Variants in LMNTD2 observed in about 807,000 individuals in gnomAD.
LMNTD2 encodes lamin tail domain containing 2.
In LMNTD2, 83 loss-of-function variants were observed where a neutral mutation model predicts 70.1. That is an observed-to-expected ratio of 1.18 (90% CI 0.99 to 1.42). The LOEUF (loss-of-function observed/expected upper bound fraction) is 1.42. Ranked by LOEUF, LMNTD2 falls within the 40% of genes most tolerant of loss-of-function variation. LMNTD2 has a pLI of 0.00. For missense variants in LMNTD2, 1,153 were observed against 905.9 expected (o/e 1.27, Z -3.50); for synonymous variants, 534 against 406.1 (o/e 1.31, Z -3.79).
chr11:559,262 C>G (rs1853123758), intron 1 of LMNTD2: 1 of 1,488,342 alleles, frequency 6.7e-7, no homozygotes, highest in Admixed American at 2.1e-5. Flanking sequence ...CCCTGCCACC[C>G]AGGTGCTGGC....
intron 1 of LMNTD2, chr11:560,335 G>C (rs938365474): frequency 4.8e-5 from 54 of 1,116,836 alleles, no homozygotes; most frequent in Non-Finnish European, 5.9e-5. Flanking sequence ...CCTGGCACTG[G>C]GTCCAAAAGG....
chr11:559,850 C>T lies in LMNTD2; in HGVS notation c.34+833G>A, dbSNP rs1306920339. Reference sequence around the variant, plus strand: ...TGACAGCGCACGTTAACCTCGAATTCCTGGGCTCAGGTGATCCTCCCACTT... The same window carrying T: ...TGACAGCGCACGTTAACCTCGAATTTCTGGGCTCAGGTGATCCTCCCACTT... On this transcript the variant is annotated intron_variant, in intron 1 of 13. Transcript: ENST00000329451. 8.6e-6 allele frequency: 7 copies of T among 811,502 alleles called. No individual in the cohort carries two copies. The African/African-American group carries it at 9.3e-5, about 11-fold the overall frequency. The allele number at this position is 811,502 out of a possible 1,614,324, so 50.3% of individuals were successfully genotyped here. A position where few individuals can be genotyped will look rare whatever the true frequency, so the allele number is the denominator to read the frequency against.
At position 558,047 on chromosome 11, in the gene LMNTD2, G is replaced by A. The variant is rs1488719749; in HGVS notation, c.400-8C>T. On this transcript the variant is annotated splice_polypyrimidine_tract_variant and splice_region_variant and intron_variant, in intron 4 of 13. Transcript: ENST00000329451. Reference sequence around the variant, plus strand: ...CTCCAGGTGCTCCTTCTCCTGCTCCGAGAGGGCCTGTGGTTGGTGGTGGGG... The same window carrying A: ...CTCCAGGTGCTCCTTCTCCTGCTCCAAGAGGGCCTGTGGTTGGTGGTGGGG... 17 of 1,581,252 alleles carry A rather than the reference G, an allele frequency of 1.1e-5. No individual in the cohort carries two copies. Among genetic ancestry groups the A allele is most frequent in the South Asian group, 6.9e-5 (6 of 86,408 alleles).
intron 1 of LMNTD2, chr11:560,239 C>A (rs1853189617): frequency 9.7e-6 from 9 of 931,370 alleles, no homozygotes; most frequent in Non-Finnish European, 1.2e-5. Context: ...GCCCACACAG[C>A]TGACCGCGAG....
Position 556,480 on chromosome 11 carries a change from CT to C in LMNTD2, c.1073+11del. 6.5e-7 allele frequency: 1 copy of C among 1,550,242 alleles called. No homozygotes were observed. Among genetic ancestry groups the C allele is most frequent in the Non-Finnish European group, 8.7e-7 (1 of 1,146,914 alleles). ...AGTCCGGCGCCGGAGGCTTGGGTCA[CT>C]CGCCCCTTACCTCTGCAGGAGTTCC... On this transcript the variant is annotated intron_variant, in intron 9 of 13. Coordinates refer to ENST00000329451, the MANE Select transcript of LMNTD2 (RefSeq NM_173573.3).
chr11:559,830 G>C (rs1432761789), intron 1 of LMNTD2: 1 of 907,668 alleles, frequency 1.1e-6, no homozygotes, highest in Non-Finnish European at 1.3e-6. Context: ...TGTGATGACA[G>C]CGCACGTTAA....
chr11:556,429 G>A, intron 9 of LMNTD2, 54 bp from the exon 10 acceptor site: 1 of 1,545,082 alleles, frequency 6.5e-7, no homozygotes, highest in Non-Finnish European at 8.7e-7. Flanking sequence ...CCGCACAGCT[G>A]CGCGCCCCGC....
At chr11:555,170 A>AGCGGCGAGGAGGGGAGGGGG (rs1210863036) in intron 13 of LMNTD2, 59 bp from the exon 14 acceptor site, 4 of 202,222 alleles carry the variant, frequency 2.0e-5, no homozygotes, top group Admixed American at 1.4e-4. Flanking sequence ...AGGGGAGGGG[A>AGCGGCGAGGAGGGGAGGGGG]GGGGAGGAGA....
At chr11:559,344 C>T in intron 1 of LMNTD2, 1 of 1,355,870 alleles carries the variant, frequency 7.4e-7, no homozygotes, top group Middle Eastern at 2.0e-4. Flanking sequence ...CCCCAGCACT[C>T]ACCTGAGGCC....
intron 1 of LMNTD2, chr11:560,291 G>A (rs930206558): frequency 7.7e-6 from 8 of 1,042,956 alleles, no homozygotes; most frequent in Non-Finnish European, 9.2e-6. Flanking sequence ...GGGGGTGAAG[G>A]AGCGGCTTCC....
Position 560,684 on chromosome 11 carries a change from C to A in LMNTD2, c.33G>T (p.Arg11=). The change falls in exon 1 of 14, where the codon CGG becomes CGT. Residue 11 remains arginine (R), a splice_region_variant and synonymous_variant. Coordinates refer to ENST00000329451, the MANE Select transcript of LMNTD2 (RefSeq NM_173573.3). MRWLRPAGRR[R]EQESVSGHLG... is the part of the protein sequence containing the mutation. ...CCAGGAGCGGGGCCAGACACCTACC[C>A]CGACGCCTGCCCGCGGGCCGCAGCC... is the stretch of plus-strand genomic sequence containing the variant. 2 of 1,439,624 alleles carry A rather than the reference C, an allele frequency of 1.4e-6. No individual in the cohort carries two copies. The highest frequency in any genetic ancestry group is 9.2e-7 in the Non-Finnish European group (1 of 1,087,520). 89.2% of individuals were successfully genotyped at this position (1,439,624 alleles called of 1,614,324 possible).
In LMNTD2 at chr11:558,988, G is replaced by GA. The variant is rs1293002790; in HGVS notation, c.35-10dup. ...ACTGACCGACTCTTGCTCTGTGGGG[G>GA]ACAGGAGAGCCTCTTCCTCGGTTTC... is the stretch of plus-strand genomic sequence containing the variant. On this transcript the variant is annotated splice_polypyrimidine_tract_variant and intron_variant, in intron 1 of 13. Transcript: ENST00000329451. 4.4e-6 allele frequency: 7 copies of GA among 1,598,074 alleles called. No individual in the cohort carries two copies. In the African/African-American group the frequency reaches 9.4e-5, roughly 21 times the overall value.
In LMNTD2 at chr11:556,832, C is replaced by T; in HGVS notation, c.976+3G>A. On this transcript the variant is annotated splice_donor_region_variant and intron_variant, in intron 8 of 13. Transcript: ENST00000329451. ...TAACCAGGGGAGACCCGCCCCACTG[C>T]ACCTTCTGAGTCCCTGCTGTAGCTG... 1 of 1,565,430 alleles carries T rather than the reference C, an allele frequency of 6.4e-7. No homozygotes were observed. Among genetic ancestry groups the T allele is most frequent in the Non-Finnish European group, 8.7e-7 (1 of 1,153,052 alleles).
In LMNTD2 at chr11:555,124, G is replaced by A; in HGVS notation, c.1774-13C>T. 1 of 1,395,788 alleles carries A rather than the reference G, an allele frequency of 7.2e-7. No homozygotes were observed. Among genetic ancestry groups the A allele is most frequent in the Non-Finnish European group, 9.4e-7 (1 of 1,064,552 alleles). 86.5% of individuals were successfully genotyped at this position (1,395,788 alleles called of 1,614,324 possible). A position where few individuals can be genotyped will look rare whatever the true frequency, so the allele number is the denominator to read the frequency against. On this transcript the variant is annotated splice_polypyrimidine_tract_variant and intron_variant, in intron 13 of 13. Coordinates refer to ENST00000329451, the MANE Select transcript of LMNTD2 (RefSeq NM_173573.3). Reference sequence around the variant, plus strand: ...TCTTCCGGCACACCTGGGGGGCGCGGGGGCTGAGAGGCGCGCGGGGCGGGG... The same window carrying A: ...TCTTCCGGCACACCTGGGGGGCGCGAGGGCTGAGAGGCGCGCGGGGCGGGG...
chr11:556,704 T>G (rs1852902235), intron 8 of LMNTD2, 116 bp from the exon 9 acceptor site: 2 of 1,410,946 alleles, frequency 1.4e-6, no homozygotes, highest in Middle Eastern at 1.8e-4. Flanking sequence ...AGGGCCAGGG[T>G]CAGATGGGGC....
At chr11:559,010 TTTC>T (rs1263109892) in intron 1 of LMNTD2, 31 bp from the exon 2 acceptor site, 2 of 1,592,428 alleles carry the variant, frequency 1.3e-6, no homozygotes, top group Admixed American at 3.4e-5. Flanking sequence ...TCTTCCTCGG[TTTC>T]TTCAACCTCC....
rs747459044 is a variant in LMNTD2 at position 555,044 on chromosome 11, C to G, written c.1841G>C (p.Ser614Thr). ...GCTGAGGAAGCGGAAGCCGAATCTG[C>G]TCTCCGCCGTGTTCTGCACCGACAG... ...VALSVQNTAESRFGFRFLSCL... is the reference protein window; with the variant it reads ...VALSVQNTAETRFGFRFLSCL... Residue 614 changes from serine (S) to threonine (T), a missense_variant, in exon 14 of 14, where the codon AGC becomes ACC. By Grantham distance (58) the Ser-to-Thr change is moderately conservative. Coordinates refer to ENST00000329451, the MANE Select transcript of LMNTD2 (RefSeq NM_173573.3). 3 of 1,594,344 alleles carry G rather than the reference C, an allele frequency of 1.9e-6. No individual in the cohort carries two copies. Among genetic ancestry groups the G allele is most frequent in the East Asian group, 4.7e-5 (2 of 42,754 alleles).
Position 556,924 on chromosome 11 carries a change from A to C in LMNTD2, c.887T>G (p.Val296Gly), listed in dbSNP as rs775499674. The C allele has an allele frequency of 6.3e-7, 1 of 1,598,828 alleles. No homozygotes were observed. The highest frequency in any genetic ancestry group is 8.5e-7 in the Non-Finnish European group (1 of 1,176,456). The stretch of plus-strand genomic sequence containing the variant: ...CCGGGGCGGGTGCCCTATCACCTGC[A>C]CGAAGGAAGGCAGGCCCGGCCGGCA... ...SSCRPGLPSF[V>G]QVIGHPPRDH... Residue 296 changes from valine (V) to glycine (G), a missense_variant, in exon 8 of 14, where the codon GTG becomes GGG. Val to Gly is a moderately radical substitution (Grantham distance 109, BLOSUM62 -3). Coordinates refer to ENST00000329451, the MANE Select transcript of LMNTD2 (RefSeq NM_173573.3).
chr11:557,918 C>T lies in LMNTD2; in HGVS notation c.521G>A (p.Gly174Asp). 1.3e-6 allele frequency: 2 copies of T among 1,583,892 alleles called. No individual in the cohort carries two copies. Among genetic ancestry groups the T allele is most frequent in the Non-Finnish European group, 1.7e-6 (2 of 1,165,886 alleles). The change falls in exon 5 of 14, where the codon GGC (glycine) becomes GAC (aspartate). Residue 174 changes from glycine to aspartate, a missense_variant. Physicochemically the swap from Gly to Asp is moderately conservative, Grantham distance 94. Coordinates refer to ENST00000329451, the MANE Select transcript of LMNTD2 (RefSeq NM_173573.3). ...GCCAGTCTGGGATCGTAGCATGCGG[C>T]CCACCCACGAGGAGCGGGCCAGCTG... is the stretch of plus-strand genomic sequence containing the variant. ...LLQLARSSWV[G>D]RMLRSQTGSV...
Sources: allele counts gnomAD v4.1 joint callset, GRCh38; gene constraint gnomAD v4.1.1; transcripts MANE v1.5; gene names NCBI Gene and HGNC (gene_info 2026-07-23, HGNC 2026-07-21).